Variants in CFH observed in about 807,000 individuals in gnomAD.
CFH encodes the protein H factor 1 (complement).
A neutral mutation model predicts 147.3 loss-of-function variants in CFH; 53 were observed. The ratio of observed to expected loss-of-function variants is 0.36; its 90% CI spans 0.29 to 0.45. The LOEUF (loss-of-function observed/expected upper bound fraction) is 0.45, where lower values mean the gene tolerates loss of function less well. CFH is among the 20% of genes least tolerant of loss of function. The pLI, the probability that CFH is intolerant of heterozygous loss-of-function variation, is 1.00. For synonymous variants in CFH, 536 were observed against 489.4 expected (o/e 1.10, Z -1.26); for missense variants, 1,380 against 1,498.0 (o/e 0.92, Z 1.30).
At chr1:196,670,261 G>A (rs988300542) in intron 1 of CFH, among the ~76,000 whole-genome samples, 1 of 152,164 alleles carries the variant, frequency 6.6e-6, no homozygotes, top group African/African-American at 2.4e-5. Context: ...GGTTAATGCT[G>A]TAGTGAGTTA....
chr1:196,684,025 T>C (rs750488766), intron 6 of CFH, among the ~76,000 whole-genome samples: 3 of 151,934 alleles, frequency 2.0e-5, no homozygotes, highest in Admixed American at 2.0e-4. Flanking sequence ...TTTTCTACAA[T>C]ACTTAAAATG....
chr1:196,673,328 C>T, intron 2 of CFH, 165 bp downstream of exon 2: 1 of 699,070 alleles, frequency 1.4e-6, no homozygotes, highest in Non-Finnish European at 2.4e-6. Context: ...GCTCTGTCAC[C>T]TAGGCTGCAG....
At chr1:196,693,955 GGT>G (rs71567586) in intron 9 of CFH, among the ~76,000 whole-genome samples, 1,838 of 142,632 alleles carry the variant, frequency 0.013, 18 homozygotes, top group South Asian at 0.043. Flanking sequence ...TTAGATAAAT[GGT>G]GTGTGTGTGT....
intron 9 of CFH, among the ~76,000 whole-genome samples, chr1:196,699,157 C>T (rs10922102): frequency 0.65 from 98,274 of 151,950 alleles, 32,220 homozygotes; most frequent in East Asian, 0.95. Flanking sequence ...AGCGATCATA[C>T]ATTGTACCTT....
intron 19 of CFH, 75 bp from the exon 20 acceptor site, chr1:196,743,377 A>G (rs1445331187): frequency 3.8e-6 from 6 of 1,575,274 alleles, no homozygotes; most frequent in South Asian, 1.1e-5. Context: ...CTTGAAATAT[A>G]TTTGTAACTG....
chr1:196,747,268 A>G lies in CFH; in HGVS notation c.3651A>G (p.Thr1217=). ...CACGTTCTCACACATTGCGAACAAC[A>G]TGTTGGGATGGGAAACTGGAGTATC... ...LSSRSHTLRT[T]CWDGKLEYPT... The change falls in exon 22 of 22, where the codon ACA becomes ACG. Residue 1217 remains threonine (T), a synonymous_variant. Coordinates refer to ENST00000367429, the MANE Select transcript of CFH (RefSeq NM_000186.4). The G allele has an allele frequency of 9.3e-6, 15 of 1,614,056 alleles. No individual in the cohort carries two copies. Among genetic ancestry groups the G allele is most frequent in the Non-Finnish European group, 1.3e-5 (15 of 1,179,944 alleles).
chr1:196,716,979 G>C (rs1447566639), intron 11 of CFH, among the ~76,000 whole-genome samples: 2 of 151,858 alleles, frequency 1.3e-5, no homozygotes, highest in Admixed American at 6.6e-5. Context: ...TAAGAATACA[G>C]AATGAAAAGA....
intron 6 of CFH, among the ~76,000 whole-genome samples, chr1:196,681,276 T>C (rs1217236665): frequency 6.6e-6 from 1 of 151,838 alleles, no homozygotes; most frequent in Non-Finnish European, 1.5e-5. Flanking sequence ...TTTAGTTTTA[T>C]TTGAATATGT....
chr1:196,739,565 C>A (rs405306), intron 17 of CFH, among the ~76,000 whole-genome samples: 8,928 of 152,194 alleles, frequency 0.059, 842 homozygotes, highest in African/African-American at 0.2. Context: ...TCTGTGACCA[C>A]CCCATCCTGG....
chr1:196,667,294 G>T (rs1296531042), intron 1 of CFH, among the ~76,000 whole-genome samples: 3 of 152,136 alleles, frequency 2.0e-5, no homozygotes, highest in African/African-American at 4.8e-5. Flanking sequence ...AGTTACCAAC[G>T]TGTCATCAGG....
chr1:196,722,368 A>G (rs938462311), intron 11 of CFH, among the ~76,000 whole-genome samples: 2 of 152,102 alleles, frequency 1.3e-5, no homozygotes, highest in Non-Finnish European at 2.9e-5. Flanking sequence ...ATGTTTTTTC[A>G]ATAAATATGA....
chr1:196,721,570 C>T (rs1353382862), intron 11 of CFH, among the ~76,000 whole-genome samples: 1 of 151,882 alleles, frequency 6.6e-6, no homozygotes, highest in East Asian at 1.9e-4. Flanking sequence ...CTGTTAGGTC[C>T]ATTTGTTCTA....
At position 196,743,581 on chromosome 1, in the gene CFH, A is replaced by G. The variant is rs775018204; in HGVS notation, c.3263A>G (p.Glu1088Gly). ...RSPYEMFGDE[E>G]VMCLNGNWTE... ...CCTTATGAAATGTTTGGGGATGAAG[A>G]AGTGATGTGTTTAAATGGAAACTGG... The change falls in exon 20 of 22, where the codon GAA becomes GGA. Residue 1088 changes from glutamate (E) to glycine (G), a missense_variant. Glu to Gly is a moderately conservative substitution (Grantham distance 98). Around this residue, in one of 4 missense-constraint regions of CFH, gnomAD observed 123 missense variants for 185.3 expected, o/e 0.66. Transcript: ENST00000367429. 6.2e-7 allele frequency: 1 copy of G among 1,613,934 alleles called. No individual in the cohort carries two copies. The highest frequency in any genetic ancestry group is 1.3e-5 in the African/African-American group (1 of 74,938).
chr1:196,740,678 A>G lies in CFH; in HGVS notation c.2842A>G (p.Ser948Gly). 6.2e-7 allele frequency: 1 copy of G among 1,614,020 alleles called. No individual in the cohort carries two copies. The highest frequency in any genetic ancestry group is 1.1e-5 in the South Asian group (1 of 91,080). The change falls in exon 18 of 22, where the codon AGT (serine) becomes GGT (glycine). Residue 948 changes from serine (S) to glycine (G), a missense_variant. Physicochemically the swap from Ser to Gly is moderately conservative, Grantham distance 56. Coordinates refer to ENST00000367429, the MANE Select transcript of CFH (RefSeq NM_000186.4). ...TGGTGTTGTAGCTCACATGTCAGAC[A>G]GTTATCAGTATGGAGAAGAAGTTAC... is the stretch of plus-strand genomic sequence containing the variant. ...SHGVVAHMSD[S>G]YQYGEEVTYK... is the part of the protein sequence containing the mutation.
At chr1:196,745,689 C>T in intron 20 of CFH, 128 bp from the exon 21 acceptor site, 1 of 1,307,688 alleles carries the variant, frequency 7.6e-7, no homozygotes, top group Non-Finnish European at 1.1e-6. Context: ...TTCCAGGACT[C>T]ATTTCTTTCA....
chr1:196,745,186 T>G (rs755127968), intron 20 of CFH, among the ~76,000 whole-genome samples: 1 of 152,184 alleles, frequency 6.6e-6, no homozygotes, highest in East Asian at 1.9e-4. Context: ...ACTCAGCTTC[T>G]TAAATATAAG....
At chr1:196,718,496 T>C (rs1451322529) in intron 11 of CFH, among the ~76,000 whole-genome samples, 1 of 152,010 alleles carries the variant, frequency 6.6e-6, no homozygotes, top group East Asian at 1.9e-4. Context: ...CTGGATTTAG[T>C]GGAGGAGAGA....
At chr1:196,652,414 A>T (rs480266) in intron 1 of CFH, among the ~76,000 whole-genome samples, 18,556 of 151,890 alleles carry the variant, frequency 0.12, 3,335 homozygotes, top group African/African-American at 0.39. Context: ...GTTTTAATAA[A>T]CATTTCTGAA....
At chr1:196,724,081 G>C (rs1669068298) in intron 11 of CFH, among the ~76,000 whole-genome samples, 1 of 152,056 alleles carries the variant, frequency 6.6e-6, no homozygotes, top group African/African-American at 2.4e-5. Flanking sequence ...CAAGCAGGTT[G>C]CTCTTGCACA....
Sources: gnomAD v4.1 joint callset for allele counts (sites outside exome capture counted in the v4.1 genomes callset) on GRCh38, gnomAD v4.1.1 for gene constraint, gnomAD v4.1.1 regional missense constraint, MANE v1.5 for transcripts, NCBI Gene and HGNC (gene_info 2026-07-23, HGNC 2026-07-21) for gene names.